Variants in MACROD1 observed in about 807,000 individuals in gnomAD.
The protein encoded by MACROD1 is ADP-ribose glycohydrolase MACROD1.
MACROD1 carries 31 observed loss-of-function variants against 41.4 expected under a neutral mutation model. That is an observed-to-expected ratio of 0.75 (90% confidence interval 0.56 to 1.01). The LOEUF (loss-of-function observed/expected upper bound fraction) is 1.01. Among genes scored for constraint, MACROD1 ranks in the 50% least tolerant of loss-of-function variants. The pLI, the probability that MACROD1 is intolerant of heterozygous loss-of-function variation, is 0.00. For synonymous variants in MACROD1, 252 were observed against 203.4 expected (o/e 1.24, Z -2.03); for missense variants, 473 against 460.0 (o/e 1.03, Z -0.26).
In MACROD1 at chr11:64,076,222, G is replaced by T. The variant is rs557680542; in HGVS notation, c.518-60941C>A. On this transcript the variant is annotated intron_variant, in intron 3 of 10. Coordinates refer to ENST00000255681, the MANE Select transcript of MACROD1 (RefSeq NM_014067.4). ...CTGCCCCTCCATCTCACCATGCAGG[G>T]TCCTGCTTCCTTAGCAAGACCCTCC... Among the ~76,000 whole-genome samples the T allele has an allele frequency of 2.0e-5, 3 of 152,256 alleles. No homozygotes were observed. In the South Asian group the frequency reaches 6.2e-4, roughly 32 times the overall value.
At position 63,998,956 on chromosome 11, in the gene MACROD1, C is replaced by G; in HGVS notation, c.972G>C (p.Val324=). The G allele has an allele frequency of 1.3e-6, 2 of 1,598,822 alleles. No individual in the cohort carries two copies. Among genetic ancestry groups the G allele is most frequent in the Non-Finnish European group, 1.7e-6 (2 of 1,174,204 alleles). The change falls in exon 9 of 11, where the codon GTG becomes GTC. Residue 324 remains valine (V), a splice_region_variant and synonymous_variant. Coordinates refer to ENST00000255681, the MANE Select transcript of MACROD1 (RefSeq NM_014067.4). The part of the protein sequence containing the change: ...YRSRLPHYFP[V]A Reference sequence around the variant, plus strand: ...CGTGGGGCGGCGCGGGGCACGTACCCACGGGGAAGTAGTGGGGGAGCCGGC... The same window carrying G: ...CGTGGGGCGGCGCGGGGCACGTACCGACGGGGAAGTAGTGGGGGAGCCGGC...
intron 2 of MACROD1, 37 bp from the exon 3 acceptor site, chr11:64,151,392 C>T: frequency 6.5e-7 from 1 of 1,529,142 alleles, no homozygotes; most frequent in South Asian, 1.1e-5. Context: ...CACAGCGAGG[C>T]TGCCCACTGC....
In MACROD1 at chr11:64,151,354, C is replaced by T. The variant is rs753151033; in HGVS notation, c.402G>A (p.Gly134=). The change falls in exon 3 of 11, where the codon GGG becomes GGA. Residue 134 remains glycine (G), a splice_region_variant and synonymous_variant. Coordinates refer to ENST00000255681, the MANE Select transcript of MACROD1 (RefSeq NM_014067.4). ...TGGGCTCCTCCACCTTCACAGCCACCCCTGGAACAAGTAGGGGCCGGGGAG... is the reference window on the plus strand; with the variant it reads ...TGGGCTCCTCCACCTTCACAGCCACTCCTGGAACAAGTAGGGGCCGGGGAG... The part of the protein sequence containing the change: ...KIPTWKEMAK[G]VAVKVEEPRY... The T allele has an allele frequency of 2.5e-6, 4 of 1,612,066 alleles. No homozygotes were observed. Among genetic ancestry groups the T allele is most frequent in the East Asian group, 4.5e-5 (2 of 44,888 alleles).
rs1590914869 is a variant in MACROD1 at position 64,105,153 on chromosome 11, T to C, written c.517+46086A>G. The stretch of plus-strand genomic sequence containing the variant: ...TGCCCTGCGGATGGGCTATTTGCTG[T>C]TATTTATTATAAAAGTGCGCCAGCC... On this transcript the variant is annotated intron_variant, in intron 3 of 10. Coordinates refer to ENST00000255681, the MANE Select transcript of MACROD1 (RefSeq NM_014067.4). Among the ~76,000 whole-genome samples the C allele has an allele frequency of 2.0e-5, 3 of 152,346 alleles. No individual in the cohort carries two copies. The South Asian group carries it at 6.2e-4, about 32-fold the overall frequency.
chr11:64,099,578 G>A (rs1206231821), intron 3 of MACROD1, among the ~76,000 whole-genome samples: 1 of 151,594 alleles, frequency 6.6e-6, no homozygotes, highest in Admixed American at 6.6e-5. Flanking sequence ...GTGAATAGAT[G>A]GACTGATGGA....
At chr11:64,065,067 G>A (rs1226834157) in intron 3 of MACROD1, among the ~76,000 whole-genome samples, 1 of 152,214 alleles carries the variant, frequency 6.6e-6, no homozygotes, top group Non-Finnish European at 1.5e-5. Flanking sequence ...GCAGGGCCCA[G>A]CACAGGCACC....
intron 3 of MACROD1, among the ~76,000 whole-genome samples, chr11:64,037,574 C>T (rs1036074526): frequency 6.6e-6 from 1 of 152,142 alleles, no homozygotes; most frequent in African/African-American, 2.4e-5. Flanking sequence ...TGAGGGGGCC[C>T]TGGTAGGTGT....
intron 3 of MACROD1, among the ~76,000 whole-genome samples, chr11:64,130,730 C>T (rs1945253985): frequency 6.6e-6 from 1 of 152,212 alleles, no homozygotes; most frequent in Non-Finnish European, 1.5e-5. Flanking sequence ...CCCACGTCAC[C>T]TTCCAGTGCT....
chr11:64,067,216 G>C lies in MACROD1; in HGVS notation c.518-51935C>G, dbSNP rs2058550230. On this transcript the variant is annotated intron_variant, in intron 3 of 10. Coordinates refer to ENST00000255681, the MANE Select transcript of MACROD1 (RefSeq NM_014067.4). The surrounding 1 kb of genome is among the most constrained non-coding windows in gnomAD (Gnocchi z 4.6). ...CTCCAAGGAGATGGCAGATGGGAGG[G>C]GTGGGGAGAGGCCTTGCATGGCACC... Among the ~76,000 whole-genome samples the C allele has an allele frequency of 6.6e-6, 1 of 152,112 alleles. No individual in the cohort carries two copies. The highest frequency in any genetic ancestry group is 6.5e-5 in the Admixed American group (1 of 15,284).
intron 1 of MACROD1, among the ~76,000 whole-genome samples, chr11:64,164,978 G>A (rs551179233): frequency 1.3e-5 from 2 of 152,328 alleles, no homozygotes; most frequent in African/African-American, 4.8e-5. Flanking sequence ...TTCTTGAAGG[G>A]TGTCATCAGT....
chr11:64,150,807 G>A, intron 3 of MACROD1, among the ~76,000 whole-genome samples: 1 of 152,182 alleles, frequency 6.6e-6, no homozygotes, highest in East Asian at 1.9e-4. Flanking sequence ...GGCATGGCAG[G>A]GGACCTCTCT....
At position 64,047,273 on chromosome 11, in the gene MACROD1, C is replaced by T. The variant is rs369081821; in HGVS notation, c.518-31992G>A. ...CTCCTCCCAGCAAGCCTTCCTGGCC[C>T]GAGATAAATGGCTTTCTTTGTACAA... On this transcript the variant is annotated intron_variant, in intron 3 of 10. Transcript: ENST00000255681. 3.9e-4 allele frequency among the ~76,000 whole-genome samples: 60 copies of T among 152,236 alleles called. No homozygotes were observed. In the South Asian group the frequency reaches 7.9e-3, roughly 20 times the overall value.
chr11:64,141,091 C>T (rs1382233926), intron 3 of MACROD1, among the ~76,000 whole-genome samples: 1 of 152,210 alleles, frequency 6.6e-6, no homozygotes, highest in South Asian at 2.1e-4. Context: ...GCTGTGGTCA[C>T]ACCAGTGTAC....
At chr11:64,121,914 A>G (rs945903529) in intron 3 of MACROD1, among the ~76,000 whole-genome samples, 2 of 151,676 alleles carry the variant, frequency 1.3e-5, no homozygotes. Context: ...TGGTAATTAG[A>G]TGTAGTGATT....
At position 64,082,283 on chromosome 11, in the gene MACROD1, T is replaced by C. The variant is rs1263043794; in HGVS notation, c.518-67002A>G. ...TGAGCCTGGGGGGTGGAGAAAATCT[T>C]GCCTCCTGCTCTGAGCAGCCAGCAG... On this transcript the variant is annotated intron_variant, in intron 3 of 10. Transcript: ENST00000255681. The surrounding 1 kb of genome is among the most constrained non-coding windows in gnomAD (Gnocchi z 4.5). Among the ~76,000 whole-genome samples, 2 of 151,902 alleles carry C rather than the reference T, an allele frequency of 1.3e-5. No individual in the cohort carries two copies. Among genetic ancestry groups the C allele is most frequent in the African/African-American group, 4.8e-5 (2 of 41,344 alleles).
chr11:64,080,427 T>C (rs1048657531), intron 3 of MACROD1, among the ~76,000 whole-genome samples: 5 of 152,180 alleles, frequency 3.3e-5, no homozygotes, highest in Non-Finnish European at 5.9e-5. Context: ...TTTTTGTGTG[T>C]ATTTACAAGG....
At position 64,165,936 on chromosome 11, in the gene MACROD1, A is replaced by G; in HGVS notation, c.59T>C (p.Leu20Pro). The G allele has an allele frequency of 7.6e-7, 1 of 1,322,422 alleles. No individual in the cohort carries two copies. The highest frequency in any genetic ancestry group is 9.6e-7 in the Non-Finnish European group (1 of 1,043,274). The allele number at this position is 1,322,422 out of a possible 1,614,324, so 81.9% of individuals were successfully genotyped here. The change falls in exon 1 of 11, where the codon CTG becomes CCG. Residue 20 changes from leucine (L) to proline (P), a missense_variant. Coordinates refer to ENST00000255681, the MANE Select transcript of MACROD1 (RefSeq NM_014067.4). Reference protein sequence around the residue: ...RLAQLRAAGQLLVPPRPRPGH... With the variant: ...RLAQLRAAGQPLVPPRPRPGH... Reference sequence around the variant, plus strand: ...GGGCCGGGGGCGCGGGGGGACGAGCAGCTGCCCCGCCGCGCGCAGCTGTGC... The same window carrying G: ...GGGCCGGGGGCGCGGGGGGACGAGCGGCTGCCCCGCCGCGCGCAGCTGTGC...
chr11:64,148,778 C>G (rs1202229712), intron 3 of MACROD1: 1 of 985,638 alleles, frequency 1.0e-6, no homozygotes, highest in Non-Finnish European at 1.2e-6. Context: ...CACTAATAAA[C>G]AGGCTGATAT....
intron 3 of MACROD1, among the ~76,000 whole-genome samples, chr11:64,106,265 G>T (rs904011207): frequency 1.2e-4 from 18 of 152,186 alleles, no homozygotes; most frequent in African/African-American, 4.3e-4. Context: ...TCTTTGGGCT[G>T]CTGTGGTGAG....
Sources: allele counts gnomAD v4.1 joint callset (sites outside exome capture counted in the v4.1 genomes callset), GRCh38; gene constraint gnomAD v4.1.1; non-coding constraint Gnocchi (gnomAD v3.1); transcripts MANE v1.5; gene names NCBI Gene and HGNC (gene_info 2026-07-23, HGNC 2026-07-21).